The following MLLT10 variants were observed in gnomAD, a reference collection of about 807,000 sequenced individuals.
MLLT10 encodes protein AF-10.
MLLT10 carries 30 observed loss-of-function variants against 129.1 expected under a neutral mutation model. The ratio of observed to expected loss-of-function variants is 0.23; its 90% CI spans 0.17 to 0.32. The LOEUF is 0.32. Ranked by LOEUF, MLLT10 falls within the 10% of genes least tolerant of loss-of-function variation. The pLI is 1.00. For synonymous variants in MLLT10, 490 were observed against 446.4 expected (o/e 1.10, Z -1.23); for missense variants, 1,119 against 1,268.3 (o/e 0.88, Z 1.79).
chr10:21,620,406 A>T (rs1247576753), intron 8 of MLLT10, among the ~76,000 whole-genome samples: 1 of 152,180 alleles, frequency 6.6e-6, no homozygotes, highest in Non-Finnish European at 1.5e-5. Context: ...TGGTATGAAA[A>T]CTATGCATTT....
intron 4 of MLLT10, among the ~76,000 whole-genome samples, chr10:21,589,478 C>T (rs12783517): frequency 0.23 from 34,367 of 151,876 alleles, 4,944 homozygotes; most frequent in Middle Eastern, 0.45. Flanking sequence ...AGGAATGAGC[C>T]ACTGCACCTG....
chr10:21,618,977 C>A (rs183336467), intron 8 of MLLT10, among the ~76,000 whole-genome samples: 1 of 151,520 alleles, frequency 6.6e-6, no homozygotes, highest in Non-Finnish European at 1.5e-5. Flanking sequence ...TCATGCGATT[C>A]GGCCTCCCAA....
At chr10:21,647,882 T>C (rs1385440199) in intron 8 of MLLT10, among the ~76,000 whole-genome samples, 1 of 152,076 alleles carries the variant, frequency 6.6e-6, no homozygotes, top group Non-Finnish European at 1.5e-5. Flanking sequence ...TTTCTGTTTT[T>C]TTTATTTTTT....
At chr10:21,662,544 ATC>A (rs1379580783) in intron 9 of MLLT10, among the ~76,000 whole-genome samples, 2 of 150,744 alleles carry the variant, frequency 1.3e-5, no homozygotes, top group East Asian at 1.9e-4. Flanking sequence ...TTTGTTTTTG[ATC>A]TCTCTGGCAT....
rs34367086 is a variant in MLLT10, at chr10:21,563,791, G to GTATTATTATTATTAT, written c.241-22480_241-22466dup. ...GGCGGGTAGTGATATCTCACTGTGT[G>GTATTATTATTATTAT]TATTATTATTATTATTATTATTATT... On this transcript the variant is annotated intron_variant, in intron 3 of 22. Coordinates refer to ENST00000307729, the MANE Select transcript of MLLT10 (RefSeq NM_001195626.3). Among the ~76,000 whole-genome samples the GTATTATTATTATTAT allele has an allele frequency of 1.5e-3, 220 of 145,648 alleles. 2 individuals are homozygous for GTATTATTATTATTAT. The highest frequency in any genetic ancestry group is 5.3e-3 in the African/African-American group (205 of 38,986).
intron 13 of MLLT10, among the ~76,000 whole-genome samples, chr10:21,684,564 C>T (rs1009531521): frequency 5.9e-5 from 9 of 152,112 alleles, no homozygotes; most frequent in Admixed American, 2.6e-4. Flanking sequence ...ATTTCCACTG[C>T]CCCATTTGGT....
chr10:21,643,465 A>G (rs1035345083), intron 8 of MLLT10, among the ~76,000 whole-genome samples: 1 of 152,102 alleles, frequency 6.6e-6, no homozygotes, highest in African/African-American at 2.4e-5. Context: ...TAGTCTTTTT[A>G]CCACAGCTAT....
intron 8 of MLLT10, among the ~76,000 whole-genome samples, chr10:21,623,199 C>A (rs560142059): frequency 1.3e-5 from 2 of 152,126 alleles, no homozygotes; most frequent in African/African-American, 4.8e-5. Context: ...TTTATTAAAT[C>A]GTTGGTCATT....
intron 3 of MLLT10, among the ~76,000 whole-genome samples, chr10:21,539,516 G>C (rs1035598654): frequency 1.3e-5 from 2 of 149,178 alleles, no homozygotes; most frequent in Non-Finnish European, 1.5e-5. Flanking sequence ...GTTCACACCT[G>C]TAATCCCAGC....
chr10:21,628,771 G>A (rs1392958331), intron 8 of MLLT10, among the ~76,000 whole-genome samples: 6 of 114,372 alleles, frequency 5.2e-5, no homozygotes, highest in African/African-American at 1.8e-4. Flanking sequence ...TTTTGACACA[G>A]AGTCTCGCTC....
intron 7 of MLLT10, among the ~76,000 whole-genome samples, chr10:21,615,567 G>C (rs982489129): frequency 2.6e-5 from 4 of 151,564 alleles, no homozygotes; most frequent in Non-Finnish European, 5.9e-5. Flanking sequence ...ATATTTTTAA[G>C]GTCTTTAGTT....
intron 3 of MLLT10, among the ~76,000 whole-genome samples, chr10:21,576,268 A>G (rs1421788744): frequency 6.7e-5 from 8 of 119,064 alleles, no homozygotes; most frequent in African/African-American, 1.3e-4. Context: ...TTTGAGATGG[A>G]GTCTCGCTCT....
chr10:21,598,983 G>C (rs1000886939), intron 5 of MLLT10, among the ~76,000 whole-genome samples: 25 of 151,930 alleles, frequency 1.6e-4, no homozygotes, highest in African/African-American at 5.8e-4. Context: ...TTCAAGACCA[G>C]CCTGACCAAG....
intron 3 of MLLT10, among the ~76,000 whole-genome samples, chr10:21,578,091 C>T (rs1466394949): frequency 1.3e-5 from 2 of 151,952 alleles, no homozygotes; most frequent in Non-Finnish European, 2.9e-5. Flanking sequence ...GTTGGAGTTT[C>T]ACCATGATGG....
At chr10:21,666,740 A>C (rs1394114491) in intron 9 of MLLT10, among the ~76,000 whole-genome samples, 1 of 151,898 alleles carries the variant, frequency 6.6e-6, no homozygotes, top group East Asian at 1.9e-4. Context: ...TTTGTCTGTT[A>C]CTCCTTCCTT....
chr10:21,649,071 ATTGTT>A (rs2048775305), intron 8 of MLLT10, among the ~76,000 whole-genome samples: 1 of 151,992 alleles, frequency 6.6e-6, no homozygotes, highest in Non-Finnish European at 1.5e-5. Flanking sequence ...AAATCCTAAT[ATTGTT>A]ATTTTAGTTT....
intron 4 of MLLT10, among the ~76,000 whole-genome samples, chr10:21,594,175 G>C (rs568087975): frequency 6.6e-6 from 1 of 151,928 alleles, no homozygotes; most frequent in Non-Finnish European, 1.5e-5. Context: ...CATCTGAAAC[G>C]AGAGGGGTTT....
At position 21,557,173 on chromosome 10, in the gene MLLT10, T is replaced by C. The variant is rs1015456299; in HGVS notation, c.240+18261T>C. 4.5e-6 allele frequency: 6 copies of C among 1,324,872 alleles called. No individual in the cohort carries two copies. In the African/African-American group the frequency reaches 8.8e-5, roughly 20 times the overall value. 82.1% of individuals were successfully genotyped at this position (1,324,872 alleles called of 1,614,324 possible). A position where few individuals can be genotyped will look rare whatever the true frequency, so the allele number is the denominator to read the frequency against. On this transcript the variant is annotated intron_variant, in intron 3 of 22. Transcript: ENST00000307729. ...TTCCTGAAAAAATAAAACTAGTTGA[T>C]TCACTTCTTCAAATGCCTACTGTGT...
intron 13 of MLLT10, among the ~76,000 whole-genome samples, chr10:21,694,427 C>T (rs2054167326): frequency 2.6e-5 from 4 of 152,146 alleles, no homozygotes; most frequent in Admixed American, 2.6e-4. Context: ...CAGGCTTTCC[C>T]AATGTAAAGG....
Sources: allele counts gnomAD v4.1 joint callset (sites outside exome capture counted in the v4.1 genomes callset), GRCh38; gene constraint gnomAD v4.1.1; transcripts MANE v1.5; gene names NCBI Gene and HGNC (gene_info 2026-07-23, HGNC 2026-07-21).